KCNG3: variants seen among roughly 807,000 people sequenced by gnomAD.
The protein encoded by KCNG3 is voltage-gated potassium channel regulatory subunit KCNG3.
Under a neutral mutation model 29.0 loss-of-function variants are expected in KCNG3, and 15 were observed. That is an observed-to-expected ratio of 0.52 (90% confidence interval 0.35 to 0.80). The LOEUF (loss-of-function observed/expected upper bound fraction) is 0.80. Among genes scored for constraint, KCNG3 ranks in the 30% least tolerant of loss-of-function variants. The pLI is 0.01. For synonymous variants in KCNG3, 322 were observed against 248.9 expected, an observed-to-expected ratio of 1.29 and a Z score of -2.76; for missense variants, 512 against 605.7, an observed-to-expected ratio of 0.85 and a Z score of 1.62.
chr2:42,477,437 T>A (rs371244676), intron 1 of KCNG3, among the ~76,000 whole-genome samples: 30,022 of 129,926 alleles, frequency 0.23, 4,702 homozygotes, highest in East Asian at 0.51. Flanking sequence ...ATTTTTTTTT[T>A]TTTTTTTTGA....
chr2:42,414,558 T>C, the KCNG3 span, among the ~76,000 whole-genome samples: 3 of 152,084 alleles, frequency 2.0e-5, no homozygotes, highest in Non-Finnish European at 2.9e-5. Flanking sequence ...CTTTTCTTTT[T>C]TTTTTTTTAT....
chr2:42,431,778 C>T, the KCNG3 span, among the ~76,000 whole-genome samples: 125 of 152,318 alleles, frequency 8.2e-4, 1 homozygote, highest in South Asian at 3.7e-3. Context: ...TGGCTTCTGC[C>T]TTTAACCCCA....
the KCNG3 span, among the ~76,000 whole-genome samples, chr2:42,408,908 CTGTTCCTGG>C: frequency 6.6e-6 from 1 of 152,184 alleles, no homozygotes; most frequent in African/African-American, 2.4e-5. Flanking sequence ...TGGGGCCCTG[CTGTTCCTGG>C]TGTCTCCAAG....
At chr2:42,388,557 G>A in the KCNG3 span, 1 of 152,170 alleles carries the variant, frequency 6.6e-6, no homozygotes, top group African/African-American at 2.4e-5. Flanking sequence ...CCTGGCTTGT[G>A]GGCTCGGCTG....
intron 1 of KCNG3, among the ~76,000 whole-genome samples, chr2:42,481,099 G>C (rs1233903340): frequency 6.6e-6 from 1 of 152,090 alleles, no homozygotes; most frequent in East Asian, 1.9e-4. Context: ...TTCTTACTTA[G>C]TTCAGGGGCT....
the KCNG3 span, among the ~76,000 whole-genome samples, chr2:42,410,937 A>G: frequency 1.3e-5 from 2 of 152,128 alleles, no homozygotes; most frequent in South Asian, 4.1e-4. Context: ...TTGTACATTT[A>G]TCTTTAACCT....
Position 42,474,189 on chromosome 2 carries a change from C to T in KCNG3, c.665+18648G>A, listed in dbSNP as rs536626090. ...ACCTAGAGCAGTGGGATCCCACAAC[C>T]CTTGCTCTGGGCGACAGAGCAAGAG... On this transcript the variant is annotated intron_variant, in intron 1 of 1. Coordinates refer to ENST00000306078, the MANE Select transcript of KCNG3 (RefSeq NM_133329.6). 3.3e-5 allele frequency among the ~76,000 whole-genome samples: 5 copies of T among 151,696 alleles called. No homozygotes were observed. In the South Asian group the frequency reaches 1.0e-3, roughly 32 times the overall value.
intron 1 of KCNG3, among the ~76,000 whole-genome samples, chr2:42,474,917 AC>A (rs1259750574): frequency 6.6e-6 from 1 of 152,214 alleles, no homozygotes; most frequent in Non-Finnish European, 1.5e-5. Context: ...GTGGCAGCTG[AC>A]CCAATGTACA....
At chr2:42,428,230 C>G in the KCNG3 span, among the ~76,000 whole-genome samples, 10 of 151,078 alleles carry the variant, frequency 6.6e-5, no homozygotes, top group African/African-American at 2.4e-4. Context: ...GAGGCCGAGG[C>G]AGGTGGATCA....
chr2:42,493,111 C>T lies in KCNG3; in HGVS notation c.391G>A (p.Glu131Lys), dbSNP rs1350419756. ...TCGTCGCGGCCCAGCACGCCCGGCTCGTCGGCCGAGTAGAAGGTGTAGGTG... is the reference window on the plus strand; with the variant it reads ...TCGTCGCGGCCCAGCACGCCCGGCTTGTCGGCCGAGTAGAAGGTGTAGGTG... ...SDTYTFYSAD[E>K]PGVLGRDEAR... The change falls in exon 1 of 2, where the codon GAG becomes AAG. Residue 131 changes from glutamate to lysine, a missense_variant. Coordinates refer to ENST00000306078, the MANE Select transcript of KCNG3 (RefSeq NM_133329.6). 5.0e-6 allele frequency: 8 copies of T among 1,592,462 alleles called. No individual in the cohort carries two copies. Among genetic ancestry groups the T allele is most frequent in the Non-Finnish European group, 6.0e-6 (7 of 1,173,796 alleles).
chr2:42,493,384 C>G lies in KCNG3; in HGVS notation c.118G>C (p.Gly40Arg), dbSNP rs765391388. ...FPLRRVSRLHGCRSERDVLEV... is the reference protein window; with the variant it reads ...FPLRRVSRLHRCRSERDVLEV... Reference sequence around the variant, plus strand: ...AGCACGTCGCGCTCGGAGCGGCAGCCGTGCAGCCGGCTCACGCGGCGCAGC... The same window carrying G: ...AGCACGTCGCGCTCGGAGCGGCAGCGGTGCAGCCGGCTCACGCGGCGCAGC... The change falls in exon 1 of 2, where the codon GGC (glycine) becomes CGC (arginine). Residue 40 changes from glycine to arginine, a missense_variant. By Grantham distance (125) the Gly-to-Arg change is moderately radical. Coordinates refer to ENST00000306078, the MANE Select transcript of KCNG3 (RefSeq NM_133329.6). 1 of 1,539,396 alleles carries G rather than the reference C, an allele frequency of 6.5e-7. No homozygotes were observed. The highest frequency in any genetic ancestry group is 1.2e-5 in the South Asian group (1 of 80,270).
chr2:42,487,270 T>C (rs980461688), intron 1 of KCNG3, among the ~76,000 whole-genome samples: 1 of 151,874 alleles, frequency 6.6e-6, no homozygotes, highest in Non-Finnish European at 1.5e-5. Flanking sequence ...AGTTGTCTTT[T>C]AATGGGGTCC....
At chr2:42,491,121 C>A (rs1673862937) in intron 1 of KCNG3, among the ~76,000 whole-genome samples, 1 of 152,180 alleles carries the variant, frequency 6.6e-6, no homozygotes, top group Non-Finnish European at 1.5e-5. Context: ...TACATATACA[C>A]AAATAAGCAT....
chr2:42,477,221 A>G (rs969805613), intron 1 of KCNG3, among the ~76,000 whole-genome samples: 4 of 150,718 alleles, frequency 2.7e-5, no homozygotes, highest in Non-Finnish European at 5.9e-5. Context: ...AAAAGTACTG[A>G]TTAAAAAAAA....
At chr2:42,391,569 G>A in the KCNG3 span, among the ~76,000 whole-genome samples, 1 of 140,728 alleles carries the variant, frequency 7.1e-6, no homozygotes, top group South Asian at 2.4e-4. Flanking sequence ...GCATACACTT[G>A]TCTCTCTTTT....
chr2:42,491,457 A>G (rs544305080), intron 1 of KCNG3, among the ~76,000 whole-genome samples: 1 of 152,328 alleles, frequency 6.6e-6, no homozygotes, highest in South Asian at 2.1e-4. Flanking sequence ...TTCTACAGTT[A>G]CTGGAGAATC....
chr2:42,466,801 G>A (rs1323692757), intron 1 of KCNG3, among the ~76,000 whole-genome samples: 1 of 144,550 alleles, frequency 6.9e-6, no homozygotes, highest in Non-Finnish European at 1.5e-5. Context: ...CATCCAGGCT[G>A]GAGTGCAGTG....
chr2:42,472,315 C>A (rs955543159), intron 1 of KCNG3, among the ~76,000 whole-genome samples: 1 of 152,134 alleles, frequency 6.6e-6, no homozygotes, highest in Non-Finnish European at 1.5e-5. Flanking sequence ...AAGGCAAGCT[C>A]TGGACTCCAT....
chr2:42,480,371 T>TA (rs1673551512), intron 1 of KCNG3, among the ~76,000 whole-genome samples: 16 of 152,144 alleles, frequency 1.1e-4, no homozygotes. Context: ...TAGACACTGG[T>TA]AAAGTGTTAA....
Sources: gnomAD v4.1 joint callset for allele counts (sites outside exome capture counted in the v4.1 genomes callset) on GRCh38, gnomAD v4.1.1 for gene constraint, MANE v1.5 for transcripts, NCBI Gene and HGNC (gene_info 2026-07-23, HGNC 2026-07-21) for gene names.